The following KCNJ16 variants were observed in gnomAD, a reference collection of about 807,000 sequenced individuals.
The protein encoded by KCNJ16 is potassium inwardly rectifying channel subfamily J member 16.
Under a neutral mutation model 18.5 loss-of-function variants are expected in KCNJ16, and 15 were observed. That is an observed-to-expected ratio of 0.81 (90% CI 0.54 to 1.25). The LOEUF is 1.25. Among genes scored for constraint, KCNJ16 ranks in the 50% most tolerant of loss-of-function variants. The pLI is 0.00. For synonymous variants in KCNJ16, 174 were observed against 186.5 expected, an observed-to-expected ratio of 0.93 and a Z score of 0.55; for missense variants, 523 against 525.7, an observed-to-expected ratio of 0.99 and a Z score of 0.05.
At chr17:70,111,732 C>G (rs186830190) in intron 2 of KCNJ16, among the ~76,000 whole-genome samples, 159 of 152,116 alleles carry the variant, frequency 1.0e-3, no homozygotes, top group African/African-American at 3.5e-3. Context: ...TTCCCCCATA[C>G]TGTTCCCATG....
intron 2 of KCNJ16, among the ~76,000 whole-genome samples, chr17:70,122,734 T>G (rs754534270): frequency 6.6e-6 from 1 of 152,156 alleles, no homozygotes; most frequent in Non-Finnish European, 1.5e-5. Flanking sequence ...TTTCAACACC[T>G]AGATGTACAC....
intron 2 of KCNJ16, among the ~76,000 whole-genome samples, chr17:70,121,762 T>C (rs549789987): frequency 1.3e-5 from 2 of 152,060 alleles, no homozygotes; most frequent in Non-Finnish European, 2.9e-5. Context: ...AAACCCCTAG[T>C]GAACATTTTG....
At chr17:70,125,892 A>G (rs1336723679) in intron 2 of KCNJ16, among the ~76,000 whole-genome samples, 2 of 151,994 alleles carry the variant, frequency 1.3e-5, no homozygotes, top group Non-Finnish European at 2.9e-5. Flanking sequence ...AGATCGCACC[A>G]CTGTGCTCCA....
At chr17:70,081,785 C>A (rs2108440) in intron 1 of KCNJ16, among the ~76,000 whole-genome samples, 1 of 151,964 alleles carries the variant, frequency 6.6e-6, no homozygotes, top group Non-Finnish European at 1.5e-5. Flanking sequence ...TGAGATGTTA[C>A]TTGTTAAGAG....
intron 1 of KCNJ16, among the ~76,000 whole-genome samples, chr17:70,092,495 T>C (rs919706736): frequency 8.4e-5 from 3 of 35,844 alleles, no homozygotes; most frequent in Non-Finnish European, 1.1e-4. Flanking sequence ...AACCAATAGA[T>C]AGATAGATAG....
At position 70,091,527 on chromosome 17, in the gene KCNJ16, C is replaced by T. The variant is rs193186350; in HGVS notation, c.-299-9131C>T. Among the ~76,000 whole-genome samples the T allele has an allele frequency of 2.3e-3, 344 of 152,206 alleles. 2 individuals carry two copies. The highest frequency in any genetic ancestry group is 3.2e-3 in the Non-Finnish European group (219 of 68,016). ...GGGATTTTCTCCTTAATAGGATTTGCTGCAAACAAGTAAACATGCAGTATT... is the reference window on the plus strand; with the variant it reads ...GGGATTTTCTCCTTAATAGGATTTGTTGCAAACAAGTAAACATGCAGTATT... On this transcript the variant is annotated intron_variant, in intron 1 of 3. Coordinates refer to ENST00000392671, the MANE Select transcript of KCNJ16 (RefSeq NM_170741.4).
At chr17:70,105,467 A>G (rs1036585655) in intron 2 of KCNJ16, among the ~76,000 whole-genome samples, 5 of 152,122 alleles carry the variant, frequency 3.3e-5, no homozygotes, top group African/African-American at 1.2e-4. Context: ...TCTTTTTTGT[A>G]TGTCTTTGTC....
intron 2 of KCNJ16, among the ~76,000 whole-genome samples, chr17:70,123,494 T>A (rs1467585886): frequency 2.0e-5 from 3 of 152,348 alleles, no homozygotes; most frequent in Middle Eastern, 3.4e-3. Context: ...AGGCCCTGTA[T>A]GATAAGCTAT....
At position 70,135,007 on chromosome 17, in the gene KCNJ16, CTTT is replaced by C. The variant is rs34903097; in HGVS notation, c.*1677_*1679del. On this transcript the variant is annotated 3_prime_UTR_variant, in exon 4 of 4. Coordinates refer to ENST00000392671, the MANE Select transcript of KCNJ16 (RefSeq NM_170741.4). ...ATCCTTCCCTTTCTCCTTCTTTTCCCTTTTTTTTTTTTTTTTGACCTGGGAGTA... is the reference window on the plus strand; with the variant it reads ...ATCCTTCCCTTTCTCCTTCTTTTCCCTTTTTTTTTTTTTGACCTGGGAGTA... 40 of 136,964 alleles carry C rather than the reference CTTT, an allele frequency of 2.9e-4. No homozygotes were observed. The highest frequency in any genetic ancestry group is 3.9e-4 in the Admixed American group (5 of 12,696). 8.5% of individuals were successfully genotyped at this position (136,964 alleles called of 1,614,324 possible).
chr17:70,135,093 A>G lies in KCNJ16; in HGVS notation c.*1749A>G, dbSNP rs2074182492. The G allele has an allele frequency of 6.2e-6, 1 of 161,164 alleles. No homozygotes were observed. Among genetic ancestry groups the G allele is most frequent in the South Asian group, 2.1e-4 (1 of 4,726 alleles). 10.0% of individuals were successfully genotyped at this position (161,164 alleles called of 1,614,324 possible). On this transcript the variant is annotated 3_prime_UTR_variant, in exon 4 of 4. Transcript: ENST00000392671. ...CTTTTATTCCTCTTGTTTTATGGAT[A>G]AGAGATTTGTTCAGGTCAAAAGTTG...
At chr17:70,077,135 A>T (rs1157820878) in intron 1 of KCNJ16, among the ~76,000 whole-genome samples, 2 of 152,228 alleles carry the variant, frequency 1.3e-5, no homozygotes, top group East Asian at 3.8e-4. Flanking sequence ...AAAACAGCAA[A>T]GAGGCCAGTG....
chr17:70,103,301 T>C (rs1403402955), intron 2 of KCNJ16, among the ~76,000 whole-genome samples: 20 of 19,024 alleles, frequency 1.1e-3, no homozygotes, highest in East Asian at 7.2e-3. Context: ...TGTGTGTATA[T>C]ATATATATAT....
At chr17:70,085,073 A>G (rs920850963) in intron 1 of KCNJ16, among the ~76,000 whole-genome samples, 1 of 152,134 alleles carries the variant, frequency 6.6e-6, no homozygotes, top group African/African-American at 2.4e-5. Context: ...TACTGTCACA[A>G]TGACAGGTGA....
intron 1 of KCNJ16, among the ~76,000 whole-genome samples, chr17:70,090,682 C>A (rs1216948510): frequency 2.0e-5 from 3 of 151,934 alleles, no homozygotes; most frequent in African/African-American, 7.3e-5. Flanking sequence ...TACCGCTAAC[C>A]CACTCACAAT....
In KCNJ16 at chr17:70,112,394, A is replaced by G. The variant is rs371695659; in HGVS notation, c.-191+11628A>G. 3.3e-5 allele frequency among the ~76,000 whole-genome samples: 5 copies of G among 150,152 alleles called. No homozygotes were observed. The East Asian group carries it at 5.9e-4, about 18-fold the overall frequency. On this transcript the variant is annotated intron_variant, in intron 2 of 3. Coordinates refer to ENST00000392671, the MANE Select transcript of KCNJ16 (RefSeq NM_170741.4). ...TTTTTTTAATGAGGGCATCCAGTCTATGTTTCTAGGGGAAAATTACATGAG... is the reference window on the plus strand; with the variant it reads ...TTTTTTTAATGAGGGCATCCAGTCTGTGTTTCTAGGGGAAAATTACATGAG...
At chr17:70,083,349 T>TTGTG (rs1198500275) in intron 1 of KCNJ16, among the ~76,000 whole-genome samples, 7 of 41,046 alleles carry the variant, frequency 1.7e-4, no homozygotes, top group Admixed American at 1.2e-3. Flanking sequence ...TCAACCTGTA[T>TTGTG]TGTGTGTATG....
intron 1 of KCNJ16, among the ~76,000 whole-genome samples, chr17:70,085,338 T>A (rs142631135): frequency 9.7e-4 from 148 of 152,320 alleles, no homozygotes; most frequent in African/African-American, 3.5e-3. Flanking sequence ...TCGGTCTTCA[T>A]AACAGACTTT....
rs577911068 is a variant in KCNJ16 at position 70,077,985 on chromosome 17, A to G, written c.-300+2595A>G. Among the ~76,000 whole-genome samples, 364 of 152,266 alleles carry G rather than the reference A, an allele frequency of 2.4e-3. 2 individuals are homozygous for G. The highest frequency in any genetic ancestry group is 3.7e-3 in the Non-Finnish European group (251 of 68,020). ...GCTTCTGCAGACTGGGAGGAGAACT[A>G]TTTTTATCATCATGCTTTAGGGCCT... is the stretch of plus-strand genomic sequence containing the variant. On this transcript the variant is annotated intron_variant, in intron 1 of 3. Transcript: ENST00000392671.
chr17:70,095,034 T>TA (rs1001393260), intron 1 of KCNJ16, among the ~76,000 whole-genome samples: 1 of 151,982 alleles, frequency 6.6e-6, no homozygotes, highest in African/African-American at 2.4e-5. Flanking sequence ...CAAGCTTCCC[T>TA]AAAAAAAAGC....
Sources: gnomAD v4.1 joint callset for allele counts (sites outside exome capture counted in the v4.1 genomes callset) on GRCh38, gnomAD v4.1.1 for gene constraint, MANE v1.5 for transcripts, NCBI Gene and HGNC (gene_info 2026-07-23, HGNC 2026-07-21) for gene names.